Variants in SMIM36 observed in about 807,000 individuals in gnomAD.
SMIM36 encodes small integral membrane protein 36.
intron 3 of SMIM36, among the ~76,000 whole-genome samples, chr17:55,474,132 G>A (rs1909387633): frequency 6.6e-6 from 1 of 152,170 alleles, no homozygotes; most frequent in Non-Finnish European, 1.5e-5. Flanking sequence ...AGGGAGCTTG[G>A]TTGTTGGAGA....
At chr17:55,478,511 T>C (rs2143271723) in intron 3 of SMIM36, among the ~76,000 whole-genome samples, 1 of 152,098 alleles carries the variant, frequency 6.6e-6, no homozygotes, top group East Asian at 1.9e-4. Flanking sequence ...AATGCAGGAG[T>C]GAGCCACCAC....
At chr17:55,498,958 T>G (rs1012503298) in intron 1 of SMIM36, among the ~76,000 whole-genome samples, 3 of 126,032 alleles carry the variant, frequency 2.4e-5, no homozygotes, top group Admixed American at 1.0e-4. Flanking sequence ...GAGATCTGGC[T>G]GCTGCACTCT....
chr17:55,511,559 A>G (rs1444129013), upstream of SMIM36: 1 of 318,134 alleles, frequency 3.1e-6, no homozygotes, highest in Middle Eastern at 8.2e-4. Flanking sequence ...GCTGTCTGTC[A>G]TCAGTTCGCC....
intron 1 of SMIM36, among the ~76,000 whole-genome samples, chr17:55,501,364 A>T (rs1214568111): frequency 1.5e-4 from 12 of 81,068 alleles, no homozygotes; most frequent in African/African-American, 7.4e-4. Context: ...TATAATATAT[A>T]ATATATTATA....
chr17:55,451,751 C>A (rs1159131651), intron 4 of SMIM36, among the ~76,000 whole-genome samples: 1 of 152,098 alleles, frequency 6.6e-6, no homozygotes, highest in Non-Finnish European at 1.5e-5. Context: ...ATTTAAGACT[C>A]TTTCTTTCCT....
At chr17:55,512,357 C>T (rs1910196257), upstream of SMIM36, among the ~76,000 whole-genome samples, 1 of 152,190 alleles carries the variant, frequency 6.6e-6, no homozygotes, top group South Asian at 2.1e-4. Flanking sequence ...GGCACAGGCA[C>T]TTGTGGGCCA....
intron 3 of SMIM36, among the ~76,000 whole-genome samples, chr17:55,473,394 C>T (rs1393453968): frequency 3.3e-5 from 5 of 152,134 alleles, no homozygotes; most frequent in Admixed American, 1.3e-4. Context: ...CCAGATGGGT[C>T]GACGCCTTTC....
At chr17:55,476,797 C>T (rs961641662) in intron 3 of SMIM36, among the ~76,000 whole-genome samples, 1 of 152,146 alleles carries the variant, frequency 6.6e-6, no homozygotes, top group African/African-American at 2.4e-5. Flanking sequence ...GAACTCCTGA[C>T]CTTAAGTGAT....
At chr17:55,501,118 C>A (rs796371252) in intron 1 of SMIM36, among the ~76,000 whole-genome samples, 1 of 196 alleles carries the variant, frequency 5.1e-3, no homozygotes, top group African/African-American at 0.028. Flanking sequence ...TAATATATAT[C>A]ATATTTTATA....
chr17:55,488,581 T>C (rs545320885), intron 1 of SMIM36, among the ~76,000 whole-genome samples: 1 of 152,336 alleles, frequency 6.6e-6, no homozygotes, highest in African/African-American at 2.4e-5. Context: ...TATGTGATTA[T>C]TAGCCTATTA....
upstream of SMIM36, among the ~76,000 whole-genome samples, chr17:55,514,272 G>C (rs191295286): frequency 9.3e-4 from 141 of 152,258 alleles, no homozygotes; most frequent in African/African-American, 3.2e-3. Context: ...ATGACAGGGT[G>C]ACATAGGTAA....
At chr17:55,507,472 G>A (rs1170810164) in intron 1 of SMIM36, among the ~76,000 whole-genome samples, 6 of 102,964 alleles carry the variant, frequency 5.8e-5, no homozygotes, top group Non-Finnish European at 1.1e-4. Context: ...GTAAACTATC[G>A]CAAGAACAAA....
At chr17:55,452,875 C>T (rs1405405267) in intron 4 of SMIM36, among the ~76,000 whole-genome samples, 1 of 152,148 alleles carries the variant, frequency 6.6e-6, no homozygotes, top group Non-Finnish European at 1.5e-5. Flanking sequence ...TTTTTAAAAA[C>T]CCAACACTTT....
At chr17:55,466,642 G>A (rs1260876441) in intron 4 of SMIM36, among the ~76,000 whole-genome samples, 1 of 152,198 alleles carries the variant, frequency 6.6e-6, no homozygotes, top group Non-Finnish European at 1.5e-5. Flanking sequence ...CGCACCCTGA[G>A]TGGTGATGAT....
At chr17:55,494,546 G>C (rs1487389015) in intron 1 of SMIM36, among the ~76,000 whole-genome samples, 3 of 152,146 alleles carry the variant, frequency 2.0e-5, no homozygotes, top group Non-Finnish European at 2.9e-5. Flanking sequence ...ATATGGTGGA[G>C]TGGTGCAGAG....
At chr17:55,472,658 C>T (rs1598450124) in intron 3 of SMIM36, among the ~76,000 whole-genome samples, 1 of 152,048 alleles carries the variant, frequency 6.6e-6, no homozygotes, top group African/African-American at 2.4e-5. Context: ...GGATCACAAG[C>T]CCAGGAGTTC....
At chr17:55,511,257 C>G in exon 1 of SMIM36, 1 of 398,560 alleles carries the variant, frequency 2.5e-6, no homozygotes, top group East Asian at 3.6e-5. Context: ...TGAGGAAGAC[C>G]AGGAGCAAGA....
intron 4 of SMIM36, among the ~76,000 whole-genome samples, chr17:55,450,663 C>T (rs1208194464): frequency 6.6e-6 from 1 of 152,192 alleles, no homozygotes; most frequent in Non-Finnish European, 1.5e-5. Context: ...GTACTCCTTG[C>T]TTTCTGCTTA....
intron 3 of SMIM36, among the ~76,000 whole-genome samples, chr17:55,472,753 A>C (rs897401250): frequency 3.3e-5 from 5 of 151,912 alleles, no homozygotes; most frequent in Admixed American, 2.0e-4. Context: ...CAACTGTCCC[A>C]GCTACTCGGG....
Sources: allele counts gnomAD v4.1 joint callset (sites outside exome capture counted in the v4.1 genomes callset), GRCh38; gene constraint gnomAD v4.1.1; transcripts MANE v1.5; gene names NCBI Gene and HGNC (gene_info 2026-07-23, HGNC 2026-07-21).